IQCH: variants seen among roughly 807,000 people sequenced by gnomAD.
The protein encoded by IQCH is IQ motif containing H, also known as IQ domain-containing protein H.
In IQCH, 98 loss-of-function variants were observed where a neutral mutation model predicts 117.0. That is an observed-to-expected ratio of 0.84 (90% CI 0.71 to 0.99). The LOEUF is 0.99. Among genes scored for constraint, IQCH ranks in the 50% least tolerant of loss-of-function variants. IQCH has a pLI of 0.00. For missense variants in IQCH, 1,102 were observed against 1,243.8 expected (o/e 0.89, Z 1.72); for synonymous variants, 412 against 448.2 (o/e 0.92, Z 1.02).
In IQCH at chr15:67,393,956, T is replaced by C. The variant is rs944134332; in HGVS notation, c.1633-1335T>C. ...TAGAGCAACCCCAGCAAATGGGTAA[T>C]TTTTATTCTTATCTAACAGGTGAAG... On this transcript the variant is annotated intron_variant, in intron 12 of 20. Transcript: ENST00000335894. The surrounding 1 kb of genome is among the most constrained non-coding windows in gnomAD (Gnocchi z 5.5). Among the ~76,000 whole-genome samples, 9 of 152,280 alleles carry C rather than the reference T, an allele frequency of 5.9e-5. No homozygotes were observed. In the East Asian group the frequency reaches 1.7e-3, roughly 29 times the overall value.
intron 18 of IQCH, among the ~76,000 whole-genome samples, chr15:67,483,286 T>C (rs1596476077): frequency 1.3e-5 from 2 of 152,292 alleles, no homozygotes; most frequent in South Asian, 4.1e-4. Flanking sequence ...TTTGGGAGGT[T>C]GAGGTGGATC....
chr15:67,298,626 G>A (rs535722979), intron 4 of IQCH, among the ~76,000 whole-genome samples: 2 of 152,242 alleles, frequency 1.3e-5, no homozygotes, highest in South Asian at 4.2e-4. Flanking sequence ...AGCACGTTGG[G>A]AGGCCGAGGT....
At chr15:67,400,491 C>CTTTTTTTTT (rs1555481901) in intron 14 of IQCH, among the ~76,000 whole-genome samples, 186 bp downstream of exon 14, 9 of 115,570 alleles carry the variant, frequency 7.8e-5, no homozygotes, top group South Asian at 5.9e-4. Context: ...TCTTTTTTTT[C>CTTTTTTTTT]TTTTTTTTTT....
At position 67,279,481 on chromosome 15, in the gene IQCH, G is replaced by C. The variant is rs147938779; in HGVS notation, c.356G>C (p.Ser119Thr). The C allele has an allele frequency of 3.4e-4, 543 of 1,603,614 alleles. 3 individuals are homozygous for C. In the African/African-American group the frequency reaches 4.4e-3, roughly 13 times the overall value. Residue 119 changes from serine to threonine, a missense_variant, in exon 4 of 21, where the codon AGT (serine) becomes ACT (threonine). Around this residue, in one of 2 missense-constraint regions of IQCH, gnomAD observed 452 missense variants for 449.6 expected, o/e 1.01. Transcript: ENST00000335894. ...GTFWQPQRQH[S>T]SSLPVFPRAK... Reference sequence around the variant, plus strand: ...TTTTGGCAACCCCAAAGACAGCACAGTTCATCTCTGCCTGTCTTTCCAAGA... The same window carrying C: ...TTTTGGCAACCCCAAAGACAGCACACTTCATCTCTGCCTGTCTTTCCAAGA...
In IQCH at chr15:67,459,185, GTTC is replaced by G. The variant is rs1567206447; in HGVS notation, c.2506-5936_2506-5934del. Reference sequence around the variant, plus strand: ...TCATTTATCCTGTCTGAAATCTCTGGTTCTTCTTACAAAAAGAAAAAGAGGAAG... The same window carrying G: ...TCATTTATCCTGTCTGAAATCTCTGGTTCTTACAAAAAGAAAAAGAGGAAG... On this transcript the variant is annotated intron_variant, in intron 16 of 20. Coordinates refer to ENST00000335894, the MANE Select transcript of IQCH (RefSeq NM_001031715.3). The surrounding 1 kb of genome is among the most constrained non-coding windows in gnomAD (Gnocchi z 4.2). Among the ~76,000 whole-genome samples the G allele has an allele frequency of 6.6e-6, 1 of 152,088 alleles. No individual in the cohort carries two copies. Among genetic ancestry groups the G allele is most frequent in the African/African-American group, 2.4e-5 (1 of 41,420 alleles).
chr15:67,324,049 T>C (rs1026963670), intron 4 of IQCH, among the ~76,000 whole-genome samples: 1 of 149,476 alleles, frequency 6.7e-6, no homozygotes, highest in Non-Finnish European at 1.5e-5. Flanking sequence ...GCTCAAGTGG[T>C]TCTCCTGTCT....
chr15:67,375,178 A>T (rs1970694874), intron 10 of IQCH, among the ~76,000 whole-genome samples: 1 of 152,248 alleles, frequency 6.6e-6, no homozygotes, highest in African/African-American at 2.4e-5. Context: ...AATAAAAATT[A>T]TGTGGGAGTT....
rs890997332 is a variant in IQCH at position 67,500,550 on chromosome 15, G to A, written c.2971-83G>A. The A allele has an allele frequency of 1.1e-5, 7 of 656,362 alleles. No individual in the cohort carries two copies. Among genetic ancestry groups the A allele is most frequent in the African/African-American group, 3.6e-5 (2 of 54,892 alleles). 40.7% of individuals were successfully genotyped at this position (656,362 alleles called of 1,614,324 possible). On this transcript the variant is annotated intron_variant, in intron 20 of 20. Coordinates refer to ENST00000335894, the MANE Select transcript of IQCH (RefSeq NM_001031715.3). The surrounding 1 kb of genome is among the most constrained non-coding windows in gnomAD (Gnocchi z 4.4). ...TCTGAATAGAACTGGTCTAAACCAT[G>A]GTGAACTCCCAAAAGGACCAGATGC...
rs575525436 is a variant in IQCH at position 67,465,664 on chromosome 15, AC to A, written c.2676+368del. Among the ~76,000 whole-genome samples, 80 of 152,226 alleles carry A rather than the reference AC, an allele frequency of 5.3e-4. No individual in the cohort carries two copies. Among genetic ancestry groups the A allele is most frequent in the African/African-American group, 1.8e-3 (74 of 41,542 alleles). ...ATTCATGGGTCCAAAATTCTATAGA[AC>A]ATCTCTGCTTCGAATCCTCAGAGTC... On this transcript the variant is annotated intron_variant, in intron 17 of 20. Transcript: ENST00000335894. The surrounding 1 kb of genome is among the most constrained non-coding windows in gnomAD (Gnocchi z 5.9).
intron 6 of IQCH, among the ~76,000 whole-genome samples, chr15:67,352,265 T>C (rs1254903199): frequency 6.6e-6 from 1 of 152,142 alleles, no homozygotes; most frequent in Non-Finnish European, 1.5e-5. Context: ...TCCATCTCCC[T>C]CCTGATGTAA....
In IQCH at chr15:67,500,904, G is replaced by T; in HGVS notation, c.*158G>T. The stretch of plus-strand genomic sequence containing the variant: ...AATGAAATGCTCTTTTTAAAACATT[G>T]TTTATTAAGTGATCTTATTTTATTT... On this transcript the variant is annotated 3_prime_UTR_variant, in exon 21 of 21. Transcript: ENST00000335894. This position sits in a 1 kb window ranked among gnomAD's most constrained non-coding sequence, Gnocchi z 4.4. 2.4e-6 allele frequency: 1 copy of T among 414,050 alleles called. No homozygotes were observed. The highest frequency in any genetic ancestry group is 4.4e-6 in the Non-Finnish European group (1 of 226,234). The allele number at this position is 414,050 out of a possible 1,614,324, so 25.6% of individuals were successfully genotyped here.
intron 4 of IQCH, among the ~76,000 whole-genome samples, chr15:67,318,257 TTCTC>T (rs1967943282): frequency 1.3e-5 from 2 of 152,134 alleles, no homozygotes; most frequent in African/African-American, 2.4e-5. Context: ...GTTTCTCTCT[TTCTC>T]TTTCTTTCTC....
At chr15:67,485,086 T>C (rs1397453328) in intron 18 of IQCH, among the ~76,000 whole-genome samples, 1 of 152,086 alleles carries the variant, frequency 6.6e-6, no homozygotes. Flanking sequence ...TTTTAAAGTA[T>C]TGAAAGAAAA....
Position 67,300,764 on chromosome 15 carries a change from C to T in IQCH, c.387+21252C>T, listed in dbSNP as rs1026201301. On this transcript the variant is annotated intron_variant, in intron 4 of 20. Coordinates refer to ENST00000335894, the MANE Select transcript of IQCH (RefSeq NM_001031715.3). ...CCATGTCTGGGGAGCTGGCATTACA[C>T]ACTGCCTAGTGTTTTTAATTCAGAA... Among the ~76,000 whole-genome samples the T allele has an allele frequency of 2.6e-5, 4 of 152,134 alleles. No homozygotes were observed. The South Asian group carries it at 6.2e-4, about 24-fold the overall frequency.
chr15:67,486,564 A>G (rs1283466111), intron 18 of IQCH, among the ~76,000 whole-genome samples: 1 of 152,208 alleles, frequency 6.6e-6, no homozygotes, highest in Non-Finnish European at 1.5e-5. Context: ...ACTATTTTTA[A>G]AAGGGGGATA....
intron 4 of IQCH, among the ~76,000 whole-genome samples, chr15:67,326,337 G>A (rs1399039856): frequency 1.3e-5 from 2 of 152,178 alleles, no homozygotes; most frequent in Non-Finnish European, 2.9e-5. Flanking sequence ...TGGTATATAT[G>A]TGCCTCATTT....
At chr15:67,462,272 CA>C (rs2082817012) in intron 16 of IQCH, among the ~76,000 whole-genome samples, 1 of 151,478 alleles carries the variant, frequency 6.6e-6, no homozygotes, top group African/African-American at 2.4e-5. Flanking sequence ...ACTAAAAATA[CA>C]AAAAAATTAG....
In IQCH at chr15:67,344,158, A is replaced by G. The variant is rs755239683; in HGVS notation, c.604A>G (p.Ser202Gly). The change falls in exon 6 of 21, where the codon AGT (serine) becomes GGT (glycine). Residue 202 changes from serine to glycine, a missense_variant. Around this residue, in one of 2 missense-constraint regions of IQCH, gnomAD observed 452 missense variants for 449.6 expected, o/e 1.01. Transcript: ENST00000335894. Reference sequence around the variant, plus strand: ...TACACCCAGAGCAGCTCCTCTGCATAGTTTTGATGAAGCACGTAAGATTCC... The same window carrying G: ...TACACCCAGAGCAGCTCCTCTGCATGGTTTTGATGAAGCACGTAAGATTCC... The part of the protein sequence containing the change: ...PITPRAAPLH[S>G]FDEARKIPTV... 3 of 1,613,596 alleles carry G rather than the reference A, an allele frequency of 1.9e-6. No homozygotes were observed. Among genetic ancestry groups the G allele is most frequent in the Admixed American group, 3.3e-5 (2 of 59,936 alleles).
intron 8 of IQCH, among the ~76,000 whole-genome samples, chr15:67,362,134 A>G (rs1488100082): frequency 9.7e-6 from 1 of 103,022 alleles, no homozygotes; most frequent in Non-Finnish European, 2.0e-5. Context: ...TATATAACAT[A>G]CATATACGCA....
Sources: gnomAD v4.1 joint callset for allele counts (sites outside exome capture counted in the v4.1 genomes callset) on GRCh38, gnomAD v4.1.1 for gene constraint, gnomAD v4.1.1 regional missense constraint, Gnocchi (gnomAD v3.1) non-coding constraint, MANE v1.5 for transcripts, NCBI Gene and HGNC (gene_info 2026-07-23, HGNC 2026-07-21) for gene names.